The following N4BP2L2 variants were observed in gnomAD, a reference collection of about 807,000 sequenced individuals.
N4BP2L2 encodes NEDD4-binding protein 2-like 2.
Under a neutral mutation model 56.2 loss-of-function variants are expected in N4BP2L2, and 50 were observed. That is an observed-to-expected ratio of 0.89 (90% CI 0.71 to 1.13). N4BP2L2 has a LOEUF of 1.13. Among genes scored for constraint, N4BP2L2 ranks in the 50% most tolerant of loss-of-function variants. N4BP2L2 has a pLI of 0.00. For missense variants in N4BP2L2, 689 were observed against 693.8 expected (o/e 0.99, Z 0.08); for synonymous variants, 203 against 223.6 (o/e 0.91, Z 0.82).
intron 8 of N4BP2L2, among the ~76,000 whole-genome samples, chr13:32,437,807 T>A (rs1042984250): frequency 6.6e-6 from 1 of 152,120 alleles, no homozygotes; most frequent in Non-Finnish European, 1.5e-5. Context: ...CCCCAGTGAG[T>A]CCTTATACCT....
intron 6 of N4BP2L2, among the ~76,000 whole-genome samples, chr13:32,465,521 C>T (rs1566069665): frequency 2.6e-5 from 4 of 151,258 alleles, no homozygotes; most frequent in Non-Finnish European, 4.4e-5. Context: ...TCAATACACA[C>T]AGTCATACAC....
Position 32,518,026 on chromosome 13 carries a change from T to C in N4BP2L2, c.1551-23A>G, listed in dbSNP as rs368840116. 13 of 1,607,272 alleles carry C rather than the reference T, an allele frequency of 8.1e-6. No individual in the cohort carries two copies. The African/African-American group carries it at 1.3e-4, about 17-fold the overall frequency. On this transcript the variant is annotated intron_variant, in intron 5 of 5. Transcript: ENST00000267068. The stretch of plus-strand genomic sequence containing the variant: ...CTCCTAACAAAAAAGAAAAGGATTG[T>C]AAATCTTTGTTGCAGAATGTACAGG...
chr13:32,461,036 G>A (rs1273822298), intron 6 of N4BP2L2, among the ~76,000 whole-genome samples: 1 of 152,072 alleles, frequency 6.6e-6, no homozygotes, highest in African/African-American at 2.4e-5. Flanking sequence ...TTGAAAAATG[G>A]TGCTGGGAAA....
intron 6 of N4BP2L2, among the ~76,000 whole-genome samples, chr13:32,482,003 A>G (rs530044333): frequency 3.3e-5 from 5 of 152,312 alleles, no homozygotes; most frequent in African/African-American, 4.8e-5. Context: ...TCTGTTGCCT[A>G]TATCTTCCAG....
chr13:32,433,222 T>C (rs372806114), intron 9 of N4BP2L2, among the ~76,000 whole-genome samples: 3 of 152,348 alleles, frequency 2.0e-5, no homozygotes, highest in Admixed American at 1.3e-4. Flanking sequence ...CTATGTACAT[T>C]ACAAAAAATT....
At chr13:32,443,643 A>G (rs1307670691) in exon 7 of N4BP2L2, 2 of 1,611,690 alleles carry the variant, frequency 1.2e-6, no homozygotes. Context: ...TATTTCTAAT[A>G]TGCTTTTCTA....
rs1253213605 is a variant in N4BP2L2 at position 32,527,235 on chromosome 13, A to G, written c.1384+173T>C. 6 of 617,628 alleles carry G rather than the reference A, an allele frequency of 9.7e-6. No homozygotes were observed. The Admixed American group carries it at 1.6e-4, about 16-fold the overall frequency. The allele number at this position is 617,628 out of a possible 1,614,324, so 38.3% of individuals were successfully genotyped here. ...CTTTTCACAAAAACCCTGATCAGGT[A>G]GGGCAAGTATAATTATCACCACCTC... On this transcript the variant is annotated intron_variant, in intron 3 of 5. Coordinates refer to ENST00000267068, the Ensembl canonical transcript of N4BP2L2.
exon 7 of N4BP2L2, chr13:32,443,534 G>A: frequency 6.2e-7 from 1 of 1,610,486 alleles, no homozygotes; most frequent in Non-Finnish European, 8.5e-7. Context: ...CACAGAATGG[G>A]TTCATGTGAG....
chr13:32,443,971 G>T, exon 7 of N4BP2L2: 1 of 1,606,362 alleles, frequency 6.2e-7, no homozygotes, highest in Non-Finnish European at 8.5e-7. Flanking sequence ...TTCACTCTGA[G>T]ATGGGTCCTG....
intron 6 of N4BP2L2, among the ~76,000 whole-genome samples, chr13:32,470,081 C>T (rs573997253): frequency 7.2e-4 from 109 of 152,316 alleles, no homozygotes; most frequent in African/African-American, 2.5e-3. Context: ...ACCTTGCCAT[C>T]AGCCGCTTGG....
At chr13:32,478,246 C>T (rs951947062) in intron 6 of N4BP2L2, 3 of 333,794 alleles carry the variant, frequency 9.0e-6, no homozygotes, top group South Asian at 2.8e-5. Flanking sequence ...GTGTAATTTA[C>T]GGTCAGACAC....
At chr13:32,517,767 T>C in exon 6 of N4BP2L2, 1 of 1,606,716 alleles carries the variant, frequency 6.2e-7, no homozygotes, top group South Asian at 1.1e-5. Flanking sequence ...CTTTTTCAAG[T>C]GCAACAACAA....
At chr13:32,436,389 A>G in exon 9 of N4BP2L2, 2 of 1,240,796 alleles carry the variant, frequency 1.6e-6, no homozygotes, top group Non-Finnish European at 2.2e-6. Flanking sequence ...TTTTCAACCA[A>G]TCTTCTTCTG....
intron 6 of N4BP2L2, among the ~76,000 whole-genome samples, chr13:32,461,048 C>T (rs1413959000): frequency 6.6e-6 from 1 of 152,038 alleles, no homozygotes. Flanking sequence ...GCTGGGAAAA[C>T]TGAATATCCA....
chr13:32,498,971 A>T (rs1424478725), intron 6 of N4BP2L2, among the ~76,000 whole-genome samples: 1 of 144,328 alleles, frequency 6.9e-6, no homozygotes. Flanking sequence ...ACTGGGTGAC[A>T]GAGCAAGACT....
chr13:32,438,657 C>A, exon 8 of N4BP2L2: 3 of 1,599,722 alleles, frequency 1.9e-6, no homozygotes, highest in African/African-American at 1.3e-5. Context: ...TATACCTCCA[C>A]TGACATCTTC....
downstream of N4BP2L2, among the ~76,000 whole-genome samples, chr13:32,509,962 AC>A (rs1339388311): frequency 1.3e-5 from 2 of 152,178 alleles, no homozygotes; most frequent in African/African-American, 4.8e-5. Flanking sequence ...CAAATACCCA[AC>A]AGTAAGAATT....
At chr13:32,536,773 C>G (rs753621143) in exon 2 of N4BP2L2, 1 of 1,614,138 alleles carries the variant, frequency 6.2e-7, no homozygotes, top group South Asian at 1.1e-5. Flanking sequence ...TACCAGGCAT[C>G]TCATCATGCA....
intron 6 of N4BP2L2, among the ~76,000 whole-genome samples, chr13:32,498,095 C>A (rs2089170260): frequency 6.6e-6 from 1 of 152,102 alleles, no homozygotes; most frequent in South Asian, 2.1e-4. Context: ...AAGCGACTCT[C>A]CCATCTCAGC....
Sources: allele counts gnomAD v4.1 joint callset (sites outside exome capture counted in the v4.1 genomes callset), GRCh38; gene constraint gnomAD v4.1.1; transcripts MANE v1.5; gene names NCBI Gene and HGNC (gene_info 2026-07-23, HGNC 2026-07-21).